Variants in SHTN1 observed in about 807,000 individuals in gnomAD.
SHTN1 encodes shootin-1.
In SHTN1, 42 loss-of-function variants were observed where a neutral mutation model predicts 83.1. The observed-to-expected ratio is 0.51, with a 90% CI of 0.39 to 0.65. The LOEUF (loss-of-function observed/expected upper bound fraction) is 0.65, where lower values mean the gene tolerates loss of function less well. SHTN1 is among the 30% of genes least tolerant of loss of function. The probability of loss-of-function intolerance (pLI) is 0.00; values close to 1 mark genes in which losing one functional copy is unlikely to be tolerated. For synonymous variants in SHTN1, 224 were observed against 247.7 expected, an observed-to-expected ratio of 0.90 and a Z score of 0.90; for missense variants, 622 against 737.8, an observed-to-expected ratio of 0.84 and a Z score of 1.82.
chr10:116,914,720 T>G (rs1848321072), intron 13 of SHTN1, among the ~76,000 whole-genome samples: 1 of 152,118 alleles, frequency 6.6e-6, no homozygotes, highest in African/African-American at 2.4e-5. Context: ...TTGGGCTTAT[T>G]TAAATGTAGT....
chr10:116,934,129 T>A (rs1180126407), intron 9 of SHTN1, among the ~76,000 whole-genome samples: 3 of 152,220 alleles, frequency 2.0e-5, no homozygotes, highest in African/African-American at 7.2e-5. Flanking sequence ...TTCACTCTGA[T>A]GATAGTTTCT....
intron 1 of SHTN1, among the ~76,000 whole-genome samples, chr10:116,988,345 T>C (rs1293355717): frequency 6.6e-6 from 1 of 151,612 alleles, no homozygotes; most frequent in Non-Finnish European, 1.5e-5. Context: ...CATACACAAA[T>C]TTGTGCCATA....
At chr10:116,994,434 TAA>T (rs1851555763) in intron 1 of SHTN1, among the ~76,000 whole-genome samples, 1 of 152,114 alleles carries the variant, frequency 6.6e-6, no homozygotes, top group Non-Finnish European at 1.5e-5. Flanking sequence ...TGGTCTTTTT[TAA>T]AAGATTTTCC....
chr10:117,014,785 A>T (rs1373958867), intron 2 of SHTN1, among the ~76,000 whole-genome samples: 2 of 152,234 alleles, frequency 1.3e-5, no homozygotes, highest in African/African-American at 4.8e-5. Context: ...GAAAGATTAG[A>T]ACAAAAATAG....
At chr10:117,088,280 T>C (rs1163382305) in intron 1 of SHTN1, among the ~76,000 whole-genome samples, 1 of 152,214 alleles carries the variant, frequency 6.6e-6, no homozygotes, top group Non-Finnish European at 1.5e-5. Flanking sequence ...CTCAGTTCAC[T>C]ACAGTGTTTT....
intron 1 of SHTN1, among the ~76,000 whole-genome samples, chr10:117,097,006 C>T (rs943163050): frequency 7.5e-5 from 11 of 146,904 alleles, no homozygotes; most frequent in South Asian, 4.4e-4. Flanking sequence ...CAAGCGCGCA[C>T]GCGCGCGCAC....
At chr10:117,086,897 C>A (rs1853360111) in intron 1 of SHTN1, among the ~76,000 whole-genome samples, 1 of 152,128 alleles carries the variant, frequency 6.6e-6, no homozygotes, top group Admixed American at 6.5e-5. Flanking sequence ...GTGGCACATA[C>A]ATATGATGGA....
intron 2 of SHTN1, among the ~76,000 whole-genome samples, chr10:117,014,784 GAACA>G (rs954083811): frequency 1.3e-5 from 2 of 152,028 alleles, no homozygotes; most frequent in Non-Finnish European, 2.9e-5. Context: ...TGAAAGATTA[GAACA>G]AAAATAGGAA....
chr10:117,031,918 G>A (rs2133573059), intron 2 of SHTN1, among the ~76,000 whole-genome samples: 1 of 152,180 alleles, frequency 6.6e-6, no homozygotes, highest in African/African-American at 2.4e-5. Flanking sequence ...TAATAACAGT[G>A]AATGTAAATG....
At chr10:116,894,234 A>G (rs1381103050) in intron 16 of SHTN1, among the ~76,000 whole-genome samples, 1 of 152,234 alleles carries the variant, frequency 6.6e-6, no homozygotes, top group Non-Finnish European at 1.5e-5. Flanking sequence ...CAAAAGTCAC[A>G]TGTATTTAGA....
chr10:116,890,699 C>T (rs1247345439), intron 16 of SHTN1, among the ~76,000 whole-genome samples: 1 of 152,226 alleles, frequency 6.6e-6, no homozygotes. Flanking sequence ...TAGAAAGCAG[C>T]TATTGTGCCC....
intron 4 of SHTN1, among the ~76,000 whole-genome samples, chr10:116,955,414 T>C (rs1489339033): frequency 1.3e-5 from 2 of 152,222 alleles, no homozygotes; most frequent in Non-Finnish European, 2.9e-5. Context: ...GTTATAGAAA[T>C]GCAAATACAT....
chr10:117,090,607 G>A (rs757541628), intron 1 of SHTN1, among the ~76,000 whole-genome samples: 3 of 152,098 alleles, frequency 2.0e-5, no homozygotes, highest in Admixed American at 6.5e-5. Context: ...CATTGGGTGG[G>A]CTCAAATAAA....
intron 9 of SHTN1, among the ~76,000 whole-genome samples, chr10:116,938,212 G>A (rs1053303914): frequency 2.6e-5 from 4 of 151,912 alleles, no homozygotes; most frequent in Admixed American, 1.3e-4. Context: ...CCTTGCTGGC[G>A]AGGAGTTGTG....
chr10:117,024,312 T>C (rs1166368709), intron 2 of SHTN1, among the ~76,000 whole-genome samples: 2 of 151,814 alleles, frequency 1.3e-5, no homozygotes, highest in African/African-American at 4.8e-5. Context: ...GATAGAGGTT[T>C]AGGTTGTACA....
At chr10:117,056,656 A>G (rs559164331) in intron 1 of SHTN1, among the ~76,000 whole-genome samples, 1 of 152,208 alleles carries the variant, frequency 6.6e-6, no homozygotes, top group African/African-American at 2.4e-5. Context: ...CTAAAAATAC[A>G]AAAGATTAGC....
chr10:116,972,344 A>T (rs1191588630), intron 2 of SHTN1, among the ~76,000 whole-genome samples: 2 of 151,910 alleles, frequency 1.3e-5, no homozygotes, highest in Non-Finnish European at 2.9e-5. Flanking sequence ...GTTATGCTGA[A>T]AGGGGTGTGA....
intron 3 of SHTN1, among the ~76,000 whole-genome samples, chr10:116,967,028 A>G (rs901675019): frequency 1.3e-5 from 2 of 152,214 alleles, no homozygotes; most frequent in African/African-American, 4.8e-5. Flanking sequence ...TTGAAATTTA[A>G]CCATAATGCT....
In SHTN1 at chr10:116,886,441, TC is replaced by T. The variant is rs1564858334; in HGVS notation, c.1798del (p.Asp600IlefsTer24). ...TTCATCCTCCTTGTGTTGAGTTGGA[TC>T]TTTTTCAGCAACCTGGTCTTTGGTT... Reference protein sequence around the residue: ...PQTKDQVAEKDPTQHKEDEGE... With the variant: ...PQTKDQVAEKXPTQHKEDEGE... On this transcript the variant is annotated frameshift_variant, in exon 17 of 17. Coordinates refer to ENST00000355371, the MANE Select transcript of SHTN1 (RefSeq NM_001127211.3). LOFTEE classifies it low-confidence loss of function (END_TRUNC). The T allele has an allele frequency of 1.2e-6, 2 of 1,612,214 alleles. No homozygotes were observed. Among genetic ancestry groups the T allele is most frequent in the Admixed American group, 3.4e-5 (2 of 59,696 alleles).
Sources: gnomAD v4.1 joint callset for allele counts (sites outside exome capture counted in the v4.1 genomes callset) on GRCh38, gnomAD v4.1.1 for gene constraint, MANE v1.5 for transcripts, NCBI Gene and HGNC (gene_info 2026-07-23, HGNC 2026-07-21) for gene names.